The following DACH2 variants were observed in gnomAD, a reference collection of about 807,000 sequenced individuals.
DACH2 encodes dachshund homolog 2.
Under a neutral mutation model 35.8 loss-of-function variants are expected in DACH2, and 17 were observed. The ratio of observed to expected loss-of-function variants is 0.48; its 90% CI spans 0.33 to 0.71. The LOEUF is 0.71. Ranked by LOEUF, DACH2 falls within the 30% of genes least tolerant of loss-of-function variation. DACH2 has a pLI of 0.02. For synonymous variants in DACH2, 195 were observed against 177.3 expected, an observed-to-expected ratio of 1.10 and a Z score of -0.79; for missense variants, 469 against 472.7, an observed-to-expected ratio of 0.99 and a Z score of 0.07.
At chrX:86,671,003 A>G (rs1450750494) in intron 4 of DACH2, among the ~76,000 whole-genome samples, 1 of 111,954 alleles carries the variant, frequency 8.9e-6, no homozygotes, top group African/African-American at 3.2e-5. Context: ...TTTCAATAAG[A>G]TATATTCACA....
At chrX:86,424,657 T>A (rs2036861925) in intron 2 of DACH2, among the ~76,000 whole-genome samples, 1 of 111,579 alleles carries the variant, frequency 9.0e-6, no homozygotes, top group South Asian at 3.7e-4. Flanking sequence ...CTTTTCAATT[T>A]TGATGCCCTT....
intron 1 of DACH2, among the ~76,000 whole-genome samples, chrX:86,297,463 G>A (rs1212897293): frequency 1.8e-5 from 2 of 112,134 alleles, no homozygotes; most frequent in Non-Finnish European, 1.9e-5. Flanking sequence ...ATGTGGTCCT[G>A]TAATTATATG....
rs1380613474 is a variant in DACH2, at chrX:86,254,807, T to TATAGAG, written c.488+105700_488+105701insTAGAGA. ...ATATATATATATATATATATATATATAGAGAGAGAGAGAGAGAGAGAGAGA... is the reference window on the plus strand; with the variant it reads ...ATATATATATATATATATATATATATATAGAGAGAGAGAGAGAGAGAGAGAGAGAGA... On this transcript the variant is annotated intron_variant, in intron 1 of 11. Coordinates refer to ENST00000373125, the MANE Select transcript of DACH2 (RefSeq NM_053281.3). Among the ~76,000 whole-genome samples, 227 of 49,632 alleles carry TATAGAG rather than the reference T, an allele frequency of 4.6e-3. 1 individual carries two copies. Among genetic ancestry groups the TATAGAG allele is most frequent in the South Asian group, 0.012 (9 of 730 alleles). 43.1% of individuals were successfully genotyped at this position (49,632 alleles called of 115,157 possible). A position where few individuals can be genotyped will look rare whatever the true frequency, so the allele number is the denominator to read the frequency against.
chrX:86,740,504 TC>T (rs1310896915), intron 7 of DACH2, among the ~76,000 whole-genome samples: 1 of 28,817 alleles, frequency 3.5e-5, no homozygotes, highest in Non-Finnish European at 5.8e-5. Flanking sequence ...CCCTCCCCCC[TC>T]CCCCCACCCC....
chrX:86,577,920 C>T (rs1298178575), intron 3 of DACH2, among the ~76,000 whole-genome samples: 1 of 111,883 alleles, frequency 8.9e-6, no homozygotes, highest in Middle Eastern at 4.7e-3. Flanking sequence ...TTACCATATA[C>T]CTTGACCTAT....
intron 2 of DACH2, among the ~76,000 whole-genome samples, chrX:86,510,326 C>A (rs1169529451): frequency 8.9e-6 from 1 of 111,886 alleles, no homozygotes; most frequent in Non-Finnish European, 1.9e-5. Context: ...ATAGATATAT[C>A]ACAGAATGTG....
At chrX:86,632,595 G>A (rs1199990808) in intron 3 of DACH2, among the ~76,000 whole-genome samples, 2 of 110,135 alleles carry the variant, frequency 1.8e-5, no homozygotes, top group African/African-American at 6.6e-5. Flanking sequence ...ATACACAATG[G>A]GGACAAGGTA....
At chrX:86,153,806 T>C (rs2147856903) in intron 1 of DACH2, among the ~76,000 whole-genome samples, 1 of 111,730 alleles carries the variant, frequency 9.0e-6, no homozygotes, top group African/African-American at 3.2e-5. Context: ...ATTTTAAATA[T>C]ACGCTTCTGA....
chrX:86,204,540 T>A (rs150510023), intron 1 of DACH2, among the ~76,000 whole-genome samples: 1 of 111,663 alleles, frequency 9.0e-6, no homozygotes, highest in African/African-American at 3.3e-5. Flanking sequence ...AGGTACATTA[T>A]ACACTAAATA....
At chrX:86,502,980 G>C (rs2148258817) in intron 2 of DACH2, among the ~76,000 whole-genome samples, 1 of 111,745 alleles carries the variant, frequency 8.9e-6, no homozygotes, top group South Asian at 3.7e-4. Context: ...TACACTAGGG[G>C]ATTCTGTCAC....
At chrX:86,600,044 A>G (rs1168733607) in intron 3 of DACH2, among the ~76,000 whole-genome samples, 1 of 111,096 alleles carries the variant, frequency 9.0e-6, no homozygotes, top group Admixed American at 9.6e-5. Context: ...GTCTTTTAGG[A>G]GATATTGTAA....
chrX:86,366,622 T>A (rs2035810264), intron 1 of DACH2, among the ~76,000 whole-genome samples: 2 of 110,693 alleles, frequency 1.8e-5, no homozygotes, highest in South Asian at 7.9e-4. Context: ...ACAGTTTGGA[T>A]GTTTGTCCCC....
chrX:86,696,603 G>A (rs941613639), intron 5 of DACH2, among the ~76,000 whole-genome samples: 4 of 111,604 alleles, frequency 3.6e-5, no homozygotes, highest in African/African-American at 1.3e-4. Context: ...AGAGTTTGAG[G>A]TCACAGAGCT....
At chrX:86,662,946 T>C (rs2040623662) in intron 4 of DACH2, among the ~76,000 whole-genome samples, 1 of 111,563 alleles carries the variant, frequency 9.0e-6, no homozygotes, top group Admixed American at 9.6e-5. Flanking sequence ...AAATATGTGA[T>C]GATAATGATA....
At chrX:86,569,923 G>T (rs1161307282) in intron 3 of DACH2, among the ~76,000 whole-genome samples, 1 of 111,559 alleles carries the variant, frequency 9.0e-6, no homozygotes, top group Non-Finnish European at 1.9e-5. Flanking sequence ...TAAAAAGTGG[G>T]CAAAGGAAAT....
rs1216912514 is a variant in DACH2 at position 86,625,030 on chromosome X, C to T, written c.641-26006C>T. Among the ~76,000 whole-genome samples the T allele has an allele frequency of 2.7e-5, 3 of 111,133 alleles. No individual in the cohort carries two copies. The East Asian group carries it at 8.5e-4, about 32-fold the overall frequency. ...CTTTATGGATTCTGTTTAATTTGAC[C>T]CATTTGAGTTAGTATGCCCGTTAGC... is the stretch of plus-strand genomic sequence containing the variant. On this transcript the variant is annotated intron_variant, in intron 3 of 11. Coordinates refer to ENST00000373125, the MANE Select transcript of DACH2 (RefSeq NM_053281.3).
chrX:86,690,332 GTTA>G (rs1269395761), intron 4 of DACH2, among the ~76,000 whole-genome samples: 2 of 111,845 alleles, frequency 1.8e-5, no homozygotes, highest in African/African-American at 6.5e-5. Context: ...TAAGCATTGT[GTTA>G]TTAGAATGGG....
At chrX:86,270,700 T>A (rs1221758019) in intron 1 of DACH2, among the ~76,000 whole-genome samples, 1 of 112,059 alleles carries the variant, frequency 8.9e-6, no homozygotes, top group Non-Finnish European at 1.9e-5. Context: ...TCTTTTAACT[T>A]ATTTATAATT....
At chrX:86,296,764 T>G (rs187070701) in intron 1 of DACH2, among the ~76,000 whole-genome samples, 44 of 110,889 alleles carry the variant, frequency 4.0e-4, no homozygotes, top group African/African-American at 1.3e-3. Flanking sequence ...TACTGGAGAC[T>G]TTACACATTT....
Sources: allele counts gnomAD v4.1 joint callset (sites outside exome capture counted in the v4.1 genomes callset), GRCh38; gene constraint gnomAD v4.1.1; transcripts MANE v1.5; gene names NCBI Gene and HGNC (gene_info 2026-07-23, HGNC 2026-07-21).